Variants in CARHSP1 observed in about 807,000 individuals in gnomAD.
CARHSP1 encodes calcium regulated heat stable protein 1, also known as calcium-regulated heat-stable protein 1.
Under a neutral mutation model 12.5 loss-of-function variants are expected in CARHSP1, and 14 were observed. The ratio of observed to expected loss-of-function variants is 1.12; its 90% CI spans 0.74 to 1.75. The LOEUF (loss-of-function observed/expected upper bound fraction) is 1.75. Ranked by LOEUF, CARHSP1 falls within the 40% of genes most tolerant of loss-of-function variation. CARHSP1 has a pLI of 0.00. For synonymous variants in CARHSP1, 161 were observed against 82.0 expected (o/e 1.96, Z -5.20); for missense variants, 343 against 201.6 (o/e 1.70, Z -4.25).
intron 1 of CARHSP1, chr16:8,860,011 G>T: frequency 2.9e-6 from 1 of 344,876 alleles, no homozygotes; most frequent in Non-Finnish European, 4.1e-6. Flanking sequence ...AGATTTTAAT[G>T]CCAACCACCT....
At chr16:8,861,807 G>A in intron 1 of CARHSP1, 1 of 1,214,300 alleles carries the variant, frequency 8.2e-7, no homozygotes, top group Non-Finnish European at 1.0e-6. Flanking sequence ...TAGAGTCCTA[G>A]AATGTTCAAC....
At chr16:8,865,442 T>C (rs2061439151) in intron 1 of CARHSP1, among the ~76,000 whole-genome samples, 1 of 152,162 alleles carries the variant, frequency 6.6e-6, no homozygotes, top group Non-Finnish European at 1.5e-5. Flanking sequence ...TCAGCCCCTT[T>C]ATTGAAGACA....
intron 1 of CARHSP1, 98 bp from the exon 2 acceptor site, chr16:8,859,433 C>G: frequency 8.9e-7 from 1 of 1,122,090 alleles, no homozygotes; most frequent in Non-Finnish European, 1.3e-6. Context: ...ATCTGAGGCT[C>G]ATTCCTCTCG....
At chr16:8,867,915 G>A (rs1036387261) in intron 1 of CARHSP1, 2 of 152,470 alleles carry the variant, frequency 1.3e-5, no homozygotes, top group African/African-American at 2.4e-5. Context: ...TTTTCAGCGT[G>A]GGGTAGATCT....
Position 8,854,845 on chromosome 16 carries a change from A to T in CARHSP1, c.*319T>A. The T allele has an allele frequency of 4.7e-6, 1 of 215,038 alleles. No individual in the cohort carries two copies. The highest frequency in any genetic ancestry group is 9.2e-6 in the Non-Finnish European group (1 of 108,946). 13.3% of individuals were successfully genotyped at this position (215,038 alleles called of 1,614,324 possible). ...AGCCCATGTGTCTGAGCAGCTGGAG[A>T]AATACCACCCTTGATCCACTCCCTG... On this transcript the variant is annotated 3_prime_UTR_variant, in exon 4 of 4. Transcript: ENST00000311052.
At chr16:8,859,011 C>T (rs920102225) in intron 2 of CARHSP1, 160 bp downstream of exon 2, 23 of 601,080 alleles carry the variant, frequency 3.8e-5, no homozygotes, top group Admixed American at 1.3e-4. Flanking sequence ...ATTTACAAGG[C>T]GCCTTCCTAG....
chr16:8,859,227 C>T lies in CARHSP1; in HGVS notation c.102G>A (p.Leu34=). The T allele has an allele frequency of 6.2e-7, 1 of 1,601,178 alleles. No homozygotes were observed. The highest frequency in any genetic ancestry group is 8.5e-7 in the Non-Finnish European group (1 of 1,176,266). Reference sequence around the variant, plus strand: ...GTGGGCTTGGGACCACGTTGCCCCGCAGAGGGGATGGTGAGCGCTCACGGC... The same window carrying T: ...GTGGGCTTGGGACCACGTTGCCCCGTAGAGGGGATGGTGAGCGCTCACGGC... The part of the protein sequence containing the change: ...PRSRERSPSP[L]RGNVVPSPLP... Residue 34 remains leucine, a synonymous_variant, in exon 2 of 4, where the codon CTG becomes CTA. Coordinates refer to ENST00000311052, the MANE Select transcript of CARHSP1 (RefSeq NM_014316.4).
At chr16:8,860,527 A>C in intron 1 of CARHSP1, 1 of 985,428 alleles carries the variant, frequency 1.0e-6, no homozygotes, top group African/African-American at 1.7e-5. Context: ...CAGCAGTCAG[A>C]GGCCCTTGGG....
In CARHSP1 at chr16:8,855,059, G is replaced by T. The variant is rs144935505; in HGVS notation, c.*105C>A. The stretch of plus-strand genomic sequence containing the variant: ...GAGATACTTGAGAGGGACCATGCCC[G>T]GCTGAAGCCCCGTCTCGTGTGGAAG... On this transcript the variant is annotated 3_prime_UTR_variant, in exon 4 of 4. Transcript: ENST00000311052. 1.4e-5 allele frequency: 11 copies of T among 810,582 alleles called. No homozygotes were observed. In the Admixed American group the frequency reaches 1.6e-4, roughly 12 times the overall value. 50.2% of individuals were successfully genotyped at this position (810,582 alleles called of 1,614,324 possible).
chr16:8,866,473 C>T (rs538053036), intron 1 of CARHSP1: 152 of 985,268 alleles, frequency 1.5e-4, no homozygotes, highest in Non-Finnish European at 1.8e-4. Flanking sequence ...ACTGAGCTGA[C>T]CCATCCCAGT....
chr16:8,860,113 A>G (rs1232568488), intron 1 of CARHSP1: 1 of 985,002 alleles, frequency 1.0e-6, no homozygotes, highest in Non-Finnish European at 1.2e-6. Context: ...ACCCTCACGC[A>G]GTGTCCGCCT....
intron 3 of CARHSP1, 120 bp from the exon 4 acceptor site, chr16:8,855,446 G>A (rs542293140): frequency 4.3e-5 from 36 of 843,746 alleles, no homozygotes; most frequent in Non-Finnish European, 5.5e-5. Context: ...ACCAACCACC[G>A]GGAACCTCTT....
At chr16:8,861,826 T>G (rs1462838976) in intron 1 of CARHSP1, 3 of 1,195,456 alleles carry the variant, frequency 2.5e-6, no homozygotes, top group Non-Finnish European at 3.2e-6. Flanking sequence ...ACGCCCAGAG[T>G]TCCAGGAAAG....
At chr16:8,863,112 CTTTTTTTTTTTTTT>C (rs71155412) in intron 1 of CARHSP1, among the ~76,000 whole-genome samples, 1 of 74,130 alleles carries the variant, frequency 1.3e-5, no homozygotes, top group Admixed American at 2.0e-4. Context: ...ACAAGGATGG[CTTTTTTTTTTTTTT>C]TTTTTTTTTT....
Position 8,855,017 on chromosome 16 carries a change from C to CCAA in CARHSP1, c.*146_*147insTTG. Reference sequence around the variant, plus strand: ...CACCCCACACCCCACACCTGCCCCCCATACCCCTTCCTCCAGGAGATACTT... The same window carrying CCAA: ...CACCCCACACCCCACACCTGCCCCCCCAAATACCCCTTCCTCCAGGAGATACTT... On this transcript the variant is annotated 3_prime_UTR_variant, in exon 4 of 4. Transcript: ENST00000311052. 1.5e-5 allele frequency: 9 copies of CCAA among 605,922 alleles called. No homozygotes were observed. Among genetic ancestry groups the CCAA allele is most frequent in the Non-Finnish European group, 2.1e-5 (8 of 380,592 alleles). 37.5% of individuals were successfully genotyped at this position (605,922 alleles called of 1,614,324 possible).
chr16:8,860,146 G>C (rs1221697723), intron 1 of CARHSP1: 2 of 985,362 alleles, frequency 2.0e-6, no homozygotes, highest in Non-Finnish European at 2.4e-6. Context: ...GGAACACGTC[G>C]CAGAGAGCTC....
rs1420381637 is a variant in CARHSP1, at chr16:8,854,677, C to G, written c.*487G>C. ...CCAAGAATTAGAAAACTGCTTTGCC[C>G]AGGCCCCAGGAGAGGCGCAAGGGGC... is the stretch of plus-strand genomic sequence containing the variant. On this transcript the variant is annotated 3_prime_UTR_variant, in exon 4 of 4. Coordinates refer to ENST00000311052, the MANE Select transcript of CARHSP1 (RefSeq NM_014316.4). 6.5e-6 allele frequency: 1 copy of G among 153,074 alleles called. No homozygotes were observed. Among genetic ancestry groups the G allele is most frequent in the Non-Finnish European group, 1.5e-5 (1 of 68,386 alleles). The allele number at this position is 153,074 out of a possible 1,614,324, so 9.5% of individuals were successfully genotyped here.
intron 1 of CARHSP1, among the ~76,000 whole-genome samples, chr16:8,864,520 CAA>C (rs936669229): frequency 3.9e-5 from 6 of 152,354 alleles, no homozygotes; most frequent in East Asian, 3.9e-4. Context: ...AACGGAGACA[CAA>C]AGAGTCAAGT....
intron 3 of CARHSP1, among the ~76,000 whole-genome samples, chr16:8,857,118 G>A (rs1026753150): frequency 1.3e-5 from 2 of 151,970 alleles, no homozygotes; most frequent in South Asian, 2.1e-4. Flanking sequence ...CAGATATAAT[G>A]GGCACTCGGA....
Sources: gnomAD v4.1 joint callset for allele counts (sites outside exome capture counted in the v4.1 genomes callset) on GRCh38, gnomAD v4.1.1 for gene constraint, MANE v1.5 for transcripts, NCBI Gene and HGNC (gene_info 2026-07-23, HGNC 2026-07-21) for gene names.